The following NEGR1 variants were observed in gnomAD, a reference collection of about 807,000 sequenced individuals.
The protein encoded by NEGR1 is neuronal growth regulator 1.
A neutral mutation model predicts 40.9 loss-of-function variants in NEGR1; 10 were observed. That is an observed-to-expected ratio of 0.24 (90% CI 0.15 to 0.42). NEGR1 has a LOEUF of 0.42. NEGR1 is among the 10% of genes least tolerant of loss of function. NEGR1 has a pLI of 1.00. For missense variants in NEGR1, 352 were observed against 438.9 expected, an observed-to-expected ratio of 0.80 and a Z score of 1.77; for synonymous variants, 185 against 166.8, an observed-to-expected ratio of 1.11 and a Z score of -0.84.
intron 1 of NEGR1, among the ~76,000 whole-genome samples, chr1:71,953,272 G>A (rs1158535233): frequency 6.6e-6 from 1 of 151,870 alleles, no homozygotes. Flanking sequence ...GAGAATATTC[G>A]TAATTCATGA....
At chr1:71,981,079 A>T (rs541475501) in intron 1 of NEGR1, among the ~76,000 whole-genome samples, 2 of 152,280 alleles carry the variant, frequency 1.3e-5, no homozygotes, top group South Asian at 4.1e-4. Context: ...ACATTGTAAA[A>T]TTCATCATTG....
chr1:71,870,220 C>A (rs992512857), intron 2 of NEGR1, among the ~76,000 whole-genome samples: 6 of 152,036 alleles, frequency 3.9e-5, no homozygotes, highest in Non-Finnish European at 7.4e-5. Context: ...GAGTATCCTG[C>A]AAGTATTAGG....
At chr1:71,502,273 G>A (rs1647004713) in intron 6 of NEGR1, among the ~76,000 whole-genome samples, 2 of 152,112 alleles carry the variant, frequency 1.3e-5, no homozygotes, top group South Asian at 2.1e-4. Flanking sequence ...GGGGACCTGG[G>A]TATAACCTTA....
At chr1:71,674,586 GCACACACACA>G (rs3220087) in intron 4 of NEGR1, among the ~76,000 whole-genome samples, 1 of 146,906 alleles carries the variant, frequency 6.8e-6, no homozygotes. Context: ...TGCTGGGAGG[GCACACACACA>G]CACACACACA....
At position 72,239,407 on chromosome 1, in the gene NEGR1, T is replaced by G. The variant is rs967435727; in HGVS notation, c.176+42912A>C. Among the ~76,000 whole-genome samples the G allele has an allele frequency of 4.6e-5, 7 of 151,958 alleles. No homozygotes were observed. The East Asian group carries it at 1.4e-3, about 29-fold the overall frequency. On this transcript the variant is annotated intron_variant, in intron 1 of 6. Transcript: ENST00000357731. ...AACCACTGTGCTGATTTTGTTTGTA[T>G]TTTACTTGTTTTGTTTGAATACATA...
At chr1:72,061,434 C>T (rs1647170342) in intron 1 of NEGR1, among the ~76,000 whole-genome samples, 1 of 151,612 alleles carries the variant, frequency 6.6e-6, no homozygotes, top group Admixed American at 6.6e-5. Context: ...TGCCAATTTC[C>T]AAACACAGAA....
At chr1:71,562,917 A>T (rs1394351925) in intron 6 of NEGR1, among the ~76,000 whole-genome samples, 2 of 151,986 alleles carry the variant, frequency 1.3e-5, no homozygotes, top group African/African-American at 2.4e-5. Flanking sequence ...AAAGTCTGAG[A>T]CATAACCATT....
intron 1 of NEGR1, among the ~76,000 whole-genome samples, chr1:72,248,906 T>C (rs982612991): frequency 1.1e-4 from 16 of 152,328 alleles, no homozygotes; most frequent in African/African-American, 3.6e-4. Context: ...AGAGTTTAAA[T>C]GCATTATTGT....
At chr1:72,143,914 A>ATATATATAATATATATATAT (rs1491498187) in intron 1 of NEGR1, among the ~76,000 whole-genome samples, 10 of 130,610 alleles carry the variant, frequency 7.7e-5, no homozygotes, top group African/African-American at 3.0e-4. Context: ...TGATATATAT[A>ATATATATAATATATATATAT]ATATATATAT....
intron 6 of NEGR1, among the ~76,000 whole-genome samples, chr1:71,410,516 T>A (rs536627682): frequency 6.6e-6 from 1 of 152,282 alleles, no homozygotes; most frequent in East Asian, 1.9e-4. Context: ...TATGGAACTT[T>A]AAAAATAATA....
At chr1:71,446,496 T>C (rs1028174629) in intron 6 of NEGR1, among the ~76,000 whole-genome samples, 1 of 152,140 alleles carries the variant, frequency 6.6e-6, no homozygotes, top group African/African-American at 2.4e-5. Context: ...CACAATACTA[T>C]TGAGAAAGGG....
At chr1:72,141,080 T>C (rs553272378) in intron 1 of NEGR1, among the ~76,000 whole-genome samples, 1 of 151,972 alleles carries the variant, frequency 6.6e-6, no homozygotes, top group Admixed American at 6.6e-5. Flanking sequence ...GTACAAAGTG[T>C]TGGGGAGCAT....
intron 1 of NEGR1, among the ~76,000 whole-genome samples, chr1:72,230,223 AT>A (rs1179723510): frequency 6.6e-6 from 1 of 152,180 alleles, no homozygotes; most frequent in Non-Finnish European, 1.5e-5. Flanking sequence ...TACATGCTAC[AT>A]TTTAATCCAC....
intron 1 of NEGR1, among the ~76,000 whole-genome samples, chr1:72,024,973 A>T (rs1010413005): frequency 4.6e-5 from 7 of 152,194 alleles, no homozygotes; most frequent in Admixed American, 3.3e-4. Context: ...TTGGGTAGCC[A>T]ATCAGATTGT....
At position 71,871,927 on chromosome 1, in the gene NEGR1, G is replaced by T. The variant is rs370333127; in HGVS notation, c.409+63152C>A. The stretch of plus-strand genomic sequence containing the variant: ...TTTATCCTTTCTAAGAAGAATTATG[G>T]GAAGTATTATTCACAGAGCTCCTCT... On this transcript the variant is annotated intron_variant, in intron 2 of 6. Transcript: ENST00000357731. Among the ~76,000 whole-genome samples the T allele has an allele frequency of 5.1e-4, 78 of 152,174 alleles. No individual in the cohort carries two copies. In the East Asian group the frequency reaches 7.0e-3, roughly 14 times the overall value.
At chr1:72,037,320 T>C (rs1165261694) in intron 1 of NEGR1, among the ~76,000 whole-genome samples, 1 of 152,180 alleles carries the variant, frequency 6.6e-6, no homozygotes, top group Non-Finnish European at 1.5e-5. Context: ...GTGCCTACTA[T>C]ATTCCTGGTA....
chr1:71,603,342 A>G (rs1288469253), intron 5 of NEGR1, among the ~76,000 whole-genome samples: 1 of 152,228 alleles, frequency 6.6e-6, no homozygotes, highest in East Asian at 1.9e-4. Context: ...GATAAAAGCA[A>G]AAGAGAAACA....
chr1:71,849,662 GAAGGGTCA>G (rs1181488509), intron 2 of NEGR1, among the ~76,000 whole-genome samples: 1 of 152,052 alleles, frequency 6.6e-6, no homozygotes, highest in African/African-American at 2.4e-5. Context: ...GTGAAAGGAG[GAAGGGTCA>G]ATCTATGTGG....
chr1:72,187,445 A>C (rs1471322228), intron 1 of NEGR1, among the ~76,000 whole-genome samples: 2 of 151,508 alleles, frequency 1.3e-5, no homozygotes, highest in Non-Finnish European at 3.0e-5. Context: ...CCAAGAATTT[A>C]GCATCAGAGC....
Sources: allele counts gnomAD v4.1 joint callset (sites outside exome capture counted in the v4.1 genomes callset), GRCh38; gene constraint gnomAD v4.1.1; transcripts MANE v1.5; gene names NCBI Gene and HGNC (gene_info 2026-07-23, HGNC 2026-07-21).